SNX18: variants seen among roughly 807,000 people sequenced by gnomAD.
SNX18 encodes sorting nexin 18.
SNX18 carries 35 observed loss-of-function variants against 48.7 expected under a neutral mutation model. That is an observed-to-expected ratio of 0.72 (90% CI 0.55 to 0.95). SNX18 has a LOEUF of 0.95. Among genes scored for constraint, SNX18 ranks in the 40% least tolerant of loss-of-function variants. The pLI, the probability that SNX18 is intolerant of heterozygous loss-of-function variation, is 0.00. For synonymous variants in SNX18, 492 were observed against 384.7 expected (o/e 1.28, Z -3.26); for missense variants, 824 against 871.0 (o/e 0.95, Z 0.68).
chr5:54,589,497 G>T, the SNX18 span, among the ~76,000 whole-genome samples: 1 of 152,170 alleles, frequency 6.6e-6, no homozygotes, highest in Non-Finnish European at 1.5e-5. Context: ...CAAAGTTTTG[G>T]TTGCACGATA....
chr5:54,521,175 G>A (rs1010730234), intron 1 of SNX18, among the ~76,000 whole-genome samples: 1 of 152,122 alleles, frequency 6.6e-6, no homozygotes, highest in South Asian at 2.1e-4. Flanking sequence ...CTGTGAGTTT[G>A]TGCAAATTAC....
chr5:54,543,319 CGAGT>C lies in SNX18; in HGVS notation c.1766_1769del (p.Val589GlufsTer15). ...TGAAATTCACCACTTCCATCAAATTCGAGTGAGAGACTTTAAATCACAGATGCAG... is the reference window on the plus strand; with the variant it reads ...TGAAATTCACCACTTCCATCAAATTCGAGAGACTTTAAATCACAGATGCAG... On this transcript the variant is annotated frameshift_variant, in exon 2 of 2. Coordinates refer to ENST00000381410, the MANE Select transcript of SNX18 (RefSeq NM_001102575.2). LOFTEE classifies it high-confidence loss of function. The C allele has an allele frequency of 6.2e-7, 1 of 1,614,146 alleles. No individual in the cohort carries two copies. The highest frequency in any genetic ancestry group is 8.5e-7 in the Non-Finnish European group (1 of 1,180,028).
At chr5:54,549,719 T>C (rs1179044816), downstream of SNX18, among the ~76,000 whole-genome samples, 2 of 152,228 alleles carry the variant, frequency 1.3e-5, no homozygotes, top group East Asian at 3.8e-4. Context: ...CCTGAAAATA[T>C]GTACTTGGGA....
the SNX18 span, among the ~76,000 whole-genome samples, chr5:54,581,488 C>T: frequency 6.6e-6 from 1 of 152,090 alleles, no homozygotes; most frequent in South Asian, 2.1e-4. Flanking sequence ...ATCTAGGTTT[C>T]ACTTGGGAGG....
the SNX18 span, among the ~76,000 whole-genome samples, chr5:54,611,556 C>G: frequency 6.6e-6 from 1 of 152,144 alleles, no homozygotes; most frequent in Non-Finnish European, 1.5e-5. Context: ...TCTCCAGGAA[C>G]AACTTAAGGG....
the SNX18 span, chr5:54,644,694 G>A: frequency 1.3e-5 from 2 of 152,210 alleles, no homozygotes; most frequent in Non-Finnish European, 2.9e-5. Context: ...TTGCCCTGGT[G>A]TGTCCTCCTC....
chr5:54,588,773 C>T, the SNX18 span, among the ~76,000 whole-genome samples: 47 of 152,072 alleles, frequency 3.1e-4, no homozygotes, highest in African/African-American at 9.7e-4. Flanking sequence ...CACTGAAAAC[C>T]CAGCTTTGCA....
Position 54,518,339 on chromosome 5 carries a change from CG to C in SNX18, c.392del (p.Gly131AlafsTer95). The C allele has an allele frequency of 6.6e-7, 1 of 1,514,778 alleles. No homozygotes were observed. 93.8% of individuals were successfully genotyped at this position (1,514,778 alleles called of 1,614,324 possible). On this transcript the variant is annotated frameshift_variant, in exon 1 of 2. Transcript: ENST00000381410. LOFTEE classifies it high-confidence loss of function. ...CGCCCGGCGCGGGCTTCCCGTACGG[CG>C]GGGGCGCCCTGCAGCCGTCGCCTCA... ...QPPGAGFPYG[G>X]GALQPSPQQL...
the SNX18 span, among the ~76,000 whole-genome samples, chr5:54,615,190 G>T: frequency 6.6e-6 from 1 of 152,202 alleles, no homozygotes; most frequent in South Asian, 2.1e-4. Context: ...AGCCAAAATT[G>T]TAGTAGGTAA....
the SNX18 span, among the ~76,000 whole-genome samples, chr5:54,609,164 A>T: frequency 6.6e-6 from 1 of 152,230 alleles, no homozygotes; most frequent in Non-Finnish European, 1.5e-5. Context: ...CCAGTATGGT[A>T]GCCACTAGAC....
chr5:54,630,780 G>C, the SNX18 span, among the ~76,000 whole-genome samples: 1 of 144,790 alleles, frequency 6.9e-6, no homozygotes, highest in Non-Finnish European at 1.5e-5. Flanking sequence ...GTTGCAGTGA[G>C]CCAAGATCGC....
the SNX18 span, among the ~76,000 whole-genome samples, chr5:54,571,644 G>A: frequency 6.6e-6 from 1 of 152,150 alleles, no homozygotes; most frequent in East Asian, 1.9e-4. Context: ...AAACGCCCTT[G>A]CAAGAATTTC....
chr5:54,545,708 C>G lies in SNX18; in HGVS notation c.*2276C>G, dbSNP rs906731144. ...TAGAATTATTAGTGTTCATTTTCATCTAAGATCTTTATTCTCTAACGTTCT... is the reference window on the plus strand; with the variant it reads ...TAGAATTATTAGTGTTCATTTTCATGTAAGATCTTTATTCTCTAACGTTCT... On this transcript the variant is annotated 3_prime_UTR_variant, in exon 2 of 2. Coordinates refer to ENST00000381410, the MANE Select transcript of SNX18 (RefSeq NM_001102575.2). The G allele has an allele frequency of 6.6e-6, 1 of 152,108 alleles. No individual in the cohort carries two copies. The highest frequency in any genetic ancestry group is 2.4e-5 in the African/African-American group (1 of 41,408). 9.4% of individuals were successfully genotyped at this position (152,108 alleles called of 1,614,324 possible).
intron 1 of SNX18, among the ~76,000 whole-genome samples, chr5:54,530,901 G>A (rs894340081): frequency 6.6e-6 from 1 of 151,618 alleles, no homozygotes. Context: ...ATAGGTGCCC[G>A]CCACCACACC....
the SNX18 span, among the ~76,000 whole-genome samples, chr5:54,558,693 A>G: frequency 6.6e-6 from 1 of 152,212 alleles, no homozygotes; most frequent in Non-Finnish European, 1.5e-5. Flanking sequence ...GAATAAAAGT[A>G]AAATCACTTC....
the SNX18 span, among the ~76,000 whole-genome samples, chr5:54,562,035 T>C: frequency 6.6e-6 from 1 of 152,264 alleles, no homozygotes; most frequent in Admixed American, 6.5e-5. Flanking sequence ...TAAGTAATAC[T>C]TGATATGTGT....
intron 1 of SNX18, among the ~76,000 whole-genome samples, chr5:54,524,912 G>A (rs1762100799): frequency 2.0e-5 from 3 of 152,242 alleles, no homozygotes; most frequent in Non-Finnish European, 2.9e-5. Context: ...TGGTGGATGG[G>A]CCAGTCTGCC....
At chr5:54,590,629 T>C in the SNX18 span, among the ~76,000 whole-genome samples, 1 of 152,204 alleles carries the variant, frequency 6.6e-6, no homozygotes, top group Non-Finnish European at 1.5e-5. Flanking sequence ...ATCTTTGGTC[T>C]TTATTCCAAA....
chr5:54,522,294 C>T (rs1762046603), intron 1 of SNX18, among the ~76,000 whole-genome samples: 2 of 152,272 alleles, frequency 1.3e-5, no homozygotes, highest in East Asian at 3.9e-4. Flanking sequence ...TCAATTCCGT[C>T]ACCTCCCCAA....
Sources: gnomAD v4.1 joint callset for allele counts (sites outside exome capture counted in the v4.1 genomes callset) on GRCh38, gnomAD v4.1.1 for gene constraint, MANE v1.5 for transcripts, NCBI Gene and HGNC (gene_info 2026-07-23, HGNC 2026-07-21) for gene names.